Variants in HDGFL3 observed in about 807,000 individuals in gnomAD.
The protein encoded by HDGFL3 is hepatoma-derived growth factor-related protein 3.
In HDGFL3, 6 loss-of-function variants were observed where a neutral mutation model predicts 27.6. The observed-to-expected ratio is 0.22, with a 90% CI of 0.12 to 0.43. The LOEUF (loss-of-function observed/expected upper bound fraction) is 0.43. Among genes scored for constraint, HDGFL3 ranks in the 20% least tolerant of loss-of-function variants. HDGFL3 has a pLI of 1.00. For synonymous variants in HDGFL3, 88 were observed against 88.9 expected (o/e 0.99, Z 0.05); for missense variants, 207 against 250.1 (o/e 0.83, Z 1.16).
intron 1 of HDGFL3, among the ~76,000 whole-genome samples, chr15:83,197,892 G>A (rs561817503): frequency 1.3e-5 from 2 of 151,466 alleles, no homozygotes; most frequent in East Asian, 1.9e-4. Flanking sequence ...AAAATTAGCC[G>A]GGTGTGGTGG....
At position 83,207,334 on chromosome 15, in the gene HDGFL3, G is replaced by T; in HGVS notation, c.81C>A (p.Ala27=). 1 of 1,395,676 alleles carries T rather than the reference G, an allele frequency of 7.2e-7. No individual in the cohort carries two copies. The allele number at this position is 1,395,676 out of a possible 1,614,324, so 86.5% of individuals were successfully genotyped here. ...CGCGCGCGGCCGCGGTACTCACCCG[G>T]GCCGGCCAGTGCGGGTAGCCCTTCA... ...AKMKGYPHWP[A]RIDELPEGAV... Residue 27 remains alanine, a synonymous_variant, in exon 1 of 6, where the codon GCC becomes GCA. Transcript: ENST00000299633. This position sits in a 1 kb window ranked among gnomAD's most constrained non-coding sequence, Gnocchi z 4.8.
Position 83,131,751 on chromosome 15 carries a change from G to A in HDGFL3, c.*7519C>T, listed in dbSNP as rs1351933554. ...ATCAAGGAAAGAGTAAAAGAAGATT[G>A]AATAAAATGAAACCAGGACACATTT... On this transcript the variant is annotated 3_prime_UTR_variant, in exon 6 of 6. Coordinates refer to ENST00000299633, the MANE Select transcript of HDGFL3 (RefSeq NM_016073.4). 6.6e-6 allele frequency: 1 copy of A among 152,144 alleles called. No homozygotes were observed. Among genetic ancestry groups the A allele is most frequent in the African/African-American group, 2.4e-5 (1 of 41,432 alleles). 9.4% of individuals were successfully genotyped at this position (152,144 alleles called of 1,614,324 possible).
chr15:83,158,391 A>C (rs1270249009), intron 2 of HDGFL3, among the ~76,000 whole-genome samples: 4 of 152,260 alleles, frequency 2.6e-5, no homozygotes, highest in Non-Finnish European at 5.9e-5. Flanking sequence ...TATCTATGTT[A>C]ATCTTACCAC....
intron 2 of HDGFL3, among the ~76,000 whole-genome samples, chr15:83,159,327 G>A (rs533299611): frequency 4.6e-5 from 7 of 152,274 alleles, no homozygotes; most frequent in South Asian, 2.1e-4. Flanking sequence ...TTTAGCATTA[G>A]GCCACAGTTC....
At chr15:83,163,652 GA>G (rs1181602117) in intron 2 of HDGFL3, 1 of 205,160 alleles carries the variant, frequency 4.9e-6, no homozygotes. Flanking sequence ...AATATGAATG[GA>G]AAAAACTTCT....
chr15:83,199,494 A>C (rs972862816), intron 1 of HDGFL3, among the ~76,000 whole-genome samples: 3 of 152,160 alleles, frequency 2.0e-5, no homozygotes, highest in Non-Finnish European at 2.9e-5. Flanking sequence ...GAAACTGAGA[A>C]GTTATTACTA....
intron 3 of HDGFL3, chr15:83,119,679 G>C: frequency 6.2e-7 from 1 of 1,614,144 alleles, no homozygotes; most frequent in East Asian, 2.2e-5. Flanking sequence ...CCATAGCATG[G>C]GAGTAAGTCA....
At chr15:83,201,607 A>G (rs905430053) in intron 1 of HDGFL3, among the ~76,000 whole-genome samples, 6 of 152,202 alleles carry the variant, frequency 3.9e-5, no homozygotes, top group Admixed American at 3.3e-4. Flanking sequence ...GAAGTTGTAC[A>G]TAATTTTAAA....
At chr15:83,160,289 C>A (rs920856701) in intron 2 of HDGFL3, among the ~76,000 whole-genome samples, 1 of 151,770 alleles carries the variant, frequency 6.6e-6, no homozygotes, top group Non-Finnish European at 1.5e-5. Flanking sequence ...CTGGTTCAAG[C>A]GATTCTTCTG....
chr15:83,119,910 G>T, intron 3 of HDGFL3: 1 of 457,580 alleles, frequency 2.2e-6, no homozygotes, highest in East Asian at 3.4e-5. Flanking sequence ...GACCCTTTAA[G>T]CTTTCTGATT....
chr15:83,145,218 C>T (rs1454304093), intron 5 of HDGFL3, among the ~76,000 whole-genome samples: 1 of 152,106 alleles, frequency 6.6e-6, no homozygotes, highest in Non-Finnish European at 1.5e-5. Context: ...CCAGAGCACC[C>T]ATCACTTCCT....
At chr15:83,182,926 A>C (rs575942390) in intron 1 of HDGFL3, among the ~76,000 whole-genome samples, 71 of 152,324 alleles carry the variant, frequency 4.7e-4, no homozygotes, top group African/African-American at 1.6e-3. Context: ...AATTTAGCAA[A>C]ATGCTAACTA....
At chr15:83,177,686 A>AGT (rs372507413) in intron 1 of HDGFL3, among the ~76,000 whole-genome samples, 8 of 151,672 alleles carry the variant, frequency 5.3e-5, no homozygotes, top group African/African-American at 9.7e-5. Context: ...TTGGTCACTG[A>AGT]GTGTGTGTGT....
intron 1 of HDGFL3, among the ~76,000 whole-genome samples, chr15:83,180,167 G>A (rs1300907421): frequency 2.6e-5 from 4 of 152,030 alleles, no homozygotes; most frequent in Non-Finnish European, 5.9e-5. Context: ...CGGATCTGAC[G>A]ATGCCCACAT....
chr15:83,139,319 T>G (rs747352398), intron 5 of HDGFL3, 44 bp from the exon 6 acceptor site: 1 of 1,287,612 alleles, frequency 7.8e-7, no homozygotes. Context: ...TTTAGATGAT[T>G]TAGGATACTA....
In HDGFL3 at chr15:83,160,075, GTT is replaced by G. The variant is rs2037079466; in HGVS notation, c.162-2036_162-2035del. ...CTTGAACCAGGGTGTAAGCAGTACT[GTT>G]GGTAAGAAGTGGTCAGATCCTGAAT... On this transcript the variant is annotated intron_variant, in intron 2 of 5. Transcript: ENST00000299633. 3.9e-5 allele frequency among the ~76,000 whole-genome samples: 6 copies of G among 152,328 alleles called. No homozygotes were observed. In the South Asian group the frequency reaches 1.2e-3, roughly 32 times the overall value.
chr15:83,138,891 A>G lies in HDGFL3; in HGVS notation c.*379T>C, dbSNP rs148094557. 575 of 160,098 alleles carry G rather than the reference A, an allele frequency of 3.6e-3. 3 individuals carry two copies. Among genetic ancestry groups the G allele is most frequent in the African/African-American group, 0.013 (529 of 41,976 alleles). 9.9% of individuals were successfully genotyped at this position (160,098 alleles called of 1,614,324 possible). ...TAAGCATTATGTTGAGTGGTCATCT[A>G]AAAAATGTTAATTTATATTTAACTG... On this transcript the variant is annotated 3_prime_UTR_variant, in exon 6 of 6. Transcript: ENST00000299633.
Position 83,137,613 on chromosome 15 carries a change from T to C in HDGFL3, c.*1657A>G, listed in dbSNP as rs980838090. 4 of 152,148 alleles carry C rather than the reference T, an allele frequency of 2.6e-5. No individual in the cohort carries two copies. The highest frequency in any genetic ancestry group is 7.2e-5 in the African/African-American group (3 of 41,452). The allele number at this position is 152,148 out of a possible 1,614,324, so 9.4% of individuals were successfully genotyped here. On this transcript the variant is annotated 3_prime_UTR_variant, in exon 6 of 6. Transcript: ENST00000299633. Reference sequence around the variant, plus strand: ...ATCCCTACTATCTTTTTATGAACTTTTCATGTTTGGGATTGTATGTTGAGT... The same window carrying C: ...ATCCCTACTATCTTTTTATGAACTTCTCATGTTTGGGATTGTATGTTGAGT...
intron 5 of HDGFL3, among the ~76,000 whole-genome samples, chr15:83,150,750 G>A (rs1302880894): frequency 6.6e-6 from 1 of 151,902 alleles, no homozygotes; most frequent in Non-Finnish European, 1.5e-5. Context: ...TGTCCCTAGG[G>A]GTACTTTAAA....
Sources: gnomAD v4.1 joint callset for allele counts (sites outside exome capture counted in the v4.1 genomes callset) on GRCh38, gnomAD v4.1.1 for gene constraint, Gnocchi (gnomAD v3.1) non-coding constraint, MANE v1.5 for transcripts, NCBI Gene and HGNC (gene_info 2026-07-23, HGNC 2026-07-21) for gene names.